DYNLL2: variants seen among roughly 807,000 people sequenced by gnomAD.
DYNLL2 encodes dynein light chain 2, cytoplasmic.
DYNLL2 carries 1 observed loss-of-function variant against 9.7 expected under a neutral mutation model. The observed-to-expected ratio is 0.10, with a 90% CI of 0.04 to 0.49. The LOEUF (loss-of-function observed/expected upper bound fraction) is 0.49, where lower values mean the gene tolerates loss of function less well. Among genes scored for constraint, DYNLL2 ranks in the 20% least tolerant of loss-of-function variants. The pLI, the probability that DYNLL2 is intolerant of heterozygous loss-of-function variation, is 0.95. For synonymous variants in DYNLL2, 35 were observed against 40.5 expected, an observed-to-expected ratio of 0.86 and a Z score of 0.52; for missense variants, 37 against 115.2, an observed-to-expected ratio of 0.32 and a Z score of 3.11.
Position 58,089,269 on chromosome 17 carries a change from A to G in DYNLL2, c.260A>G (p.Lys87Arg), listed in dbSNP as rs2075771459. ...YLGQVAILLF[K>R]SG is the part of the protein sequence containing the mutation. ...GGTCAAGTTGCAATCCTCCTCTTCA[A>G]GTCAGGCTAGGTGGCCATGGTGAAG... Residue 87 changes from lysine (K) to arginine (R), a missense_variant, in exon 3 of 3, where the codon AAG becomes AGG. Physicochemically the swap from Lys to Arg is conservative, Grantham distance 26. Transcript: ENST00000579991. 1 of 1,613,710 alleles carries G rather than the reference A, an allele frequency of 6.2e-7. No homozygotes were observed. Among genetic ancestry groups the G allele is most frequent in the African/African-American group, 1.3e-5 (1 of 74,870 alleles).
intron 1 of DYNLL2, among the ~76,000 whole-genome samples, chr17:58,086,701 C>T (rs2075761151): frequency 6.6e-6 from 1 of 152,096 alleles, no homozygotes; most frequent in Non-Finnish European, 1.5e-5. Context: ...ACCCTTAGTC[C>T]CCATTTTACA....
At chr17:58,086,801 C>A (rs77154762) in intron 1 of DYNLL2, among the ~76,000 whole-genome samples, 7,285 of 152,282 alleles carry the variant, frequency 0.048, 245 homozygotes, top group Non-Finnish European at 0.071. Flanking sequence ...ACTATTGGTG[C>A]TCTTCAGAAT....
chr17:58,088,559 A>G (rs1056728350), intron 2 of DYNLL2, among the ~76,000 whole-genome samples: 17 of 152,090 alleles, frequency 1.1e-4, no homozygotes, highest in Admixed American at 1.0e-3. Context: ...AATTGCCTTG[A>G]TCTCATGGTG....
chr17:58,087,393 A>G (rs760733177), intron 2 of DYNLL2, among the ~76,000 whole-genome samples, 171 bp downstream of exon 2: 3 of 151,368 alleles, frequency 2.0e-5, no homozygotes, highest in African/African-American at 7.3e-5. Context: ...TTGCCCAAGC[A>G]TTCACCTTAG....
intron 1 of DYNLL2, among the ~76,000 whole-genome samples, chr17:58,084,039 G>C (rs992387230): frequency 2.6e-5 from 4 of 152,106 alleles, no homozygotes; most frequent in East Asian, 2.0e-4. Flanking sequence ...GAGAGGGCTC[G>C]GGCGTGACGC....
chr17:58,088,569 G>C (rs1035137366), intron 2 of DYNLL2, among the ~76,000 whole-genome samples: 1 of 152,176 alleles, frequency 6.6e-6, no homozygotes, highest in East Asian at 1.9e-4. Flanking sequence ...ATCTCATGGT[G>C]GAGGTCCTTG....
chr17:58,086,945 C>T (rs2075762111), intron 1 of DYNLL2, 137 bp from the exon 2 acceptor site: 1 of 1,040,108 alleles, frequency 9.6e-7, no homozygotes, highest in Admixed American at 2.4e-5. Context: ...GCTCCCTCTC[C>T]TAATGCTTCA....
intron 1 of DYNLL2, among the ~76,000 whole-genome samples, chr17:58,085,150 A>G (rs1050784562): frequency 1.8e-4 from 27 of 152,190 alleles, no homozygotes; most frequent in Admixed American, 1.2e-3. Flanking sequence ...ATGTGGGGGC[A>G]GAGGGTGCTG....
In DYNLL2 at chr17:58,085,192, C is replaced by T. The variant is rs1254320403; in HGVS notation, c.-10+1509C>T. ...TACCTCTTTGCTCTGCCAGTTTCTG[C>T]CGAAGTGGAACCAGCCCTGCTTAGT... On this transcript the variant is annotated intron_variant, in intron 1 of 2. Coordinates refer to ENST00000579991, the MANE Select transcript of DYNLL2 (RefSeq NM_080677.3). 3.3e-5 allele frequency among the ~76,000 whole-genome samples: 5 copies of T among 152,276 alleles called. No individual in the cohort carries two copies. In the East Asian group the frequency reaches 9.7e-4, roughly 29 times the overall value.
chr17:58,093,162 C>G lies in DYNLL2; in HGVS notation c.*3883C>G, dbSNP rs568645485. On this transcript the variant is annotated 3_prime_UTR_variant, in exon 3 of 3. Transcript: ENST00000579991. ...TTGCTCAAATGAAAAAAGAAGGGTG[C>G]GAGCAAGCCTGGACAGGCCTGGTGC... is the stretch of plus-strand genomic sequence containing the variant. 6.6e-6 allele frequency: 1 copy of G among 152,188 alleles called. No homozygotes were observed. Among genetic ancestry groups the G allele is most frequent in the Non-Finnish European group, 1.5e-5 (1 of 68,040 alleles). The allele number at this position is 152,188 out of a possible 1,614,324, so 9.4% of individuals were successfully genotyped here.
Position 58,089,582 on chromosome 17 carries a change from A to C in DYNLL2, c.*303A>C. Reference sequence around the variant, plus strand: ...CTTTTCTCTTTCTTTCCCTATACAAAATAAAAGGCCCACCATAGAGACTAG... The same window carrying C: ...CTTTTCTCTTTCTTTCCCTATACAACATAAAAGGCCCACCATAGAGACTAG... On this transcript the variant is annotated 3_prime_UTR_variant, in exon 3 of 3. Coordinates refer to ENST00000579991, the MANE Select transcript of DYNLL2 (RefSeq NM_080677.3). 2.3e-6 allele frequency: 1 copy of C among 443,656 alleles called. No homozygotes were observed. Among genetic ancestry groups the C allele is most frequent in the Non-Finnish European group, 3.9e-6 (1 of 256,800 alleles). 27.5% of individuals were successfully genotyped at this position (443,656 alleles called of 1,614,324 possible). A position where few individuals can be genotyped will look rare whatever the true frequency, so the allele number is the denominator to read the frequency against.
At position 58,083,501 on chromosome 17, in the gene DYNLL2, C is replaced by T. The variant is rs1341363398; in HGVS notation, c.-192C>T. On this transcript the variant is annotated 5_prime_UTR_variant, in exon 1 of 3. Transcript: ENST00000579991. ...CGGCGTGAGGCGGAGCGCGGGCGGC[C>T]GGCGAAACTCCAAGGGCGGACCGCG... The T allele has an allele frequency of 1.3e-5, 2 of 151,862 alleles. No individual in the cohort carries two copies. The highest frequency in any genetic ancestry group is 3.9e-4 in the East Asian group (2 of 5,144). The allele number at this position is 151,862 out of a possible 1,614,324, so 9.4% of individuals were successfully genotyped here.
chr17:58,085,820 G>A (rs2075758017), intron 1 of DYNLL2, among the ~76,000 whole-genome samples: 1 of 152,042 alleles, frequency 6.6e-6, no homozygotes, highest in East Asian at 1.9e-4. Context: ...GTTTTTTTAG[G>A]GGAAGGAAGG....
Position 58,083,623 on chromosome 17 carries a change from T to G in DYNLL2, c.-70T>G, listed in dbSNP as rs1244535657. On this transcript the variant is annotated 5_prime_UTR_variant, in exon 1 of 3. Transcript: ENST00000579991. The stretch of plus-strand genomic sequence containing the variant: ...GAGCCCAGGGAACACCGCCCCTGCC[T>G]GTGCTCTGCCTCGGGCCATCGCTCC... 6.5e-6 allele frequency: 1 copy of G among 153,366 alleles called. No homozygotes were observed. The highest frequency in any genetic ancestry group is 2.4e-5 in the African/African-American group (1 of 41,340). The allele number at this position is 153,366 out of a possible 1,614,324, so 9.5% of individuals were successfully genotyped here.
At chr17:58,083,835 A>G (rs1299301303) in intron 1 of DYNLL2, among the ~76,000 whole-genome samples, 152 bp downstream of exon 1, 2 of 151,086 alleles carry the variant, frequency 1.3e-5, no homozygotes, top group African/African-American at 4.9e-5. Flanking sequence ...CTTGGCGTTG[A>G]CGGTCCGGGC....
intron 1 of DYNLL2, among the ~76,000 whole-genome samples, chr17:58,085,643 C>T (rs1433759621): frequency 6.6e-6 from 1 of 152,162 alleles, no homozygotes; most frequent in Non-Finnish European, 1.5e-5. Flanking sequence ...CCTGAGATTC[C>T]GCTCGTCCCA....
chr17:58,084,371 CT>C (rs886313760), intron 1 of DYNLL2, among the ~76,000 whole-genome samples: 19 of 151,308 alleles, frequency 1.3e-4, no homozygotes, highest in South Asian at 2.1e-4. Context: ...GAGATTTAGC[CT>C]TTTTTTTTGG....
chr17:58,086,993 C>T, intron 1 of DYNLL2, 89 bp from the exon 2 acceptor site: 1 of 1,505,430 alleles, frequency 6.6e-7, no homozygotes, highest in Non-Finnish European at 9.1e-7. Flanking sequence ...TCTATACTCC[C>T]CTCTTGCACT....
rs371002341 is a variant in DYNLL2 at position 58,093,973 on chromosome 17, A to G, written c.*4694A>G. On this transcript the variant is annotated 3_prime_UTR_variant, in exon 3 of 3. Transcript: ENST00000579991. ...ACCCACAGACTGCTACTGTGCCAATATAGAGGTTCATAAGAAAGATAAAAG... is the reference window on the plus strand; with the variant it reads ...ACCCACAGACTGCTACTGTGCCAATGTAGAGGTTCATAAGAAAGATAAAAG... The G allele has an allele frequency of 2.6e-5, 4 of 152,312 alleles. No homozygotes were observed. The highest frequency in any genetic ancestry group is 4.1e-4 in the South Asian group (2 of 4,822). 9.4% of individuals were successfully genotyped at this position (152,312 alleles called of 1,614,324 possible). A position where few individuals can be genotyped will look rare whatever the true frequency, so the allele number is the denominator to read the frequency against.
Sources: gnomAD v4.1 joint callset for allele counts (sites outside exome capture counted in the v4.1 genomes callset) on GRCh38, gnomAD v4.1.1 for gene constraint, MANE v1.5 for transcripts, NCBI Gene and HGNC (gene_info 2026-07-23, HGNC 2026-07-21) for gene names.